LCLAT1: variants seen among roughly 807,000 people sequenced by gnomAD.
LCLAT1 encodes lysocardiolipin acyltransferase 1.
LCLAT1 carries 11 observed loss-of-function variants against 30.7 expected under a neutral mutation model. That is an observed-to-expected ratio of 0.36 (90% CI 0.23 to 0.59). The LOEUF (loss-of-function observed/expected upper bound fraction) is 0.59, where lower values mean the gene tolerates loss of function less well. LCLAT1 is among the 20% of genes least tolerant of loss of function. LCLAT1 has a pLI of 0.77. For synonymous variants in LCLAT1, 155 were observed against 151.3 expected, an observed-to-expected ratio of 1.02 and a Z score of -0.18; for missense variants, 402 against 458.6, an observed-to-expected ratio of 0.88 and a Z score of 1.13.
At chr2:30,544,498 A>G (rs949827937) in intron 3 of LCLAT1, among the ~76,000 whole-genome samples, 6 of 152,192 alleles carry the variant, frequency 3.9e-5, no homozygotes, top group Admixed American at 6.5e-5. Flanking sequence ...TTCTCAAAAT[A>G]TAAAAATATT....
At position 30,580,954 on chromosome 2, in the gene LCLAT1, G is replaced by T. The variant is rs147239167; in HGVS notation, c.628+12778G>T. On this transcript the variant is annotated intron_variant, in intron 5 of 5. Transcript: ENST00000379509. ...AGTTACCCCAAAATAGTATCTTATG[G>T]TTGGGAGTAGGTGGTGAGAAGGTGA... Among the ~76,000 whole-genome samples, 15 of 152,242 alleles carry T rather than the reference G, an allele frequency of 9.9e-5. No individual in the cohort carries two copies. In the East Asian group the frequency reaches 2.5e-3, roughly 25 times the overall value.
intron 3 of LCLAT1, among the ~76,000 whole-genome samples, chr2:30,546,744 G>A (rs564730240): frequency 1.3e-5 from 2 of 152,194 alleles, no homozygotes; most frequent in East Asian, 3.9e-4. Flanking sequence ...TACCTCCTGT[G>A]AGAAGGAAAA....
chr2:30,565,252 G>A (rs562296147), intron 4 of LCLAT1, among the ~76,000 whole-genome samples: 47 of 152,156 alleles, frequency 3.1e-4, no homozygotes, highest in Middle Eastern at 3.4e-3. Context: ...TGGAGATCCC[G>A]GGAAGTAGTC....
intron 1 of LCLAT1, among the ~76,000 whole-genome samples, chr2:30,474,017 T>C (rs899130425): frequency 1.3e-5 from 2 of 152,210 alleles, no homozygotes; most frequent in African/African-American, 2.4e-5. Flanking sequence ...AACTGTGTAA[T>C]GTGTTAAAGA....
At position 30,459,444 on chromosome 2, in the gene LCLAT1, A is replaced by G. The variant is rs975299427; in HGVS notation, c.-5+12061A>G. On this transcript the variant is annotated intron_variant, in intron 1 of 5. Transcript: ENST00000379509. The stretch of plus-strand genomic sequence containing the variant: ...AATCCATTCAGTACTCAGATGTTTC[A>G]GGTCCCTGGGCCCGTAATCTGTTTA... 23 of 645,412 alleles carry G rather than the reference A, an allele frequency of 3.6e-5. No individual in the cohort carries two copies. The African/African-American group carries it at 4.0e-4, about 11-fold the overall frequency. 40.0% of individuals were successfully genotyped at this position (645,412 alleles called of 1,614,324 possible).
chr2:30,533,798 G>A (rs890947880), intron 3 of LCLAT1, among the ~76,000 whole-genome samples: 3 of 152,058 alleles, frequency 2.0e-5, no homozygotes, highest in Middle Eastern at 3.4e-3. Context: ...TTTTTATCGC[G>A]CTTGTATAAT....
intron 1 of LCLAT1, among the ~76,000 whole-genome samples, chr2:30,485,541 A>G (rs1683522669): frequency 6.6e-6 from 1 of 152,130 alleles, no homozygotes; most frequent in South Asian, 2.1e-4. Context: ...TGTCATAAAT[A>G]GTTGCTCTTA....
intron 1 of LCLAT1, among the ~76,000 whole-genome samples, chr2:30,483,298 A>G (rs570957194): frequency 4.6e-5 from 7 of 152,280 alleles, no homozygotes; most frequent in African/African-American, 1.4e-4. Flanking sequence ...AGACCAGCTT[A>G]GGCAACATAG....
At chr2:30,551,864 A>G (rs1664697032) in intron 3 of LCLAT1, among the ~76,000 whole-genome samples, 2 of 152,208 alleles carry the variant, frequency 1.3e-5, no homozygotes, top group South Asian at 4.1e-4. Context: ...CATAGTAGGT[A>G]TATATTTATG....
intron 2 of LCLAT1, among the ~76,000 whole-genome samples, chr2:30,528,160 T>A (rs759830666): frequency 6.6e-6 from 1 of 152,242 alleles, no homozygotes; most frequent in Non-Finnish European, 1.5e-5. Context: ...GTTGCACATA[T>A]CACTTTTGCT....
chr2:30,475,999 A>G (rs1281340606), intron 1 of LCLAT1, among the ~76,000 whole-genome samples: 1 of 152,214 alleles, frequency 6.6e-6, no homozygotes, highest in East Asian at 1.9e-4. Context: ...TAGCTTCCAT[A>G]TAAACCAGTA....
chr2:30,471,131 C>A (rs1394425512), intron 1 of LCLAT1, among the ~76,000 whole-genome samples: 3 of 152,076 alleles, frequency 2.0e-5, no homozygotes, highest in Non-Finnish European at 4.4e-5. Flanking sequence ...CCATGCTGAT[C>A]TTGAACTCCT....
intron 1 of LCLAT1, among the ~76,000 whole-genome samples, chr2:30,505,649 C>G (rs80301264): frequency 0.037 from 5,704 of 152,118 alleles, 134 homozygotes; most frequent in Middle Eastern, 0.071. Context: ...CAGAGTATTA[C>G]CAAAATCTTA....
intron 5 of LCLAT1, among the ~76,000 whole-genome samples, chr2:30,613,364 C>G (rs922572169): frequency 7.9e-5 from 12 of 151,888 alleles, no homozygotes; most frequent in African/African-American, 2.9e-4. Context: ...ACAGAGAAAC[C>G]AATTAGAAAG....
At position 30,642,389 on chromosome 2, in the gene LCLAT1, C is replaced by T. The variant is rs919891927; in HGVS notation, c.*1770C>T. The T allele has an allele frequency of 7.0e-5, 8 of 114,534 alleles. No homozygotes were observed. Among genetic ancestry groups the T allele is most frequent in the Middle Eastern group, 8.8e-3 (2 of 228 alleles). 7.1% of individuals were successfully genotyped at this position (114,534 alleles called of 1,614,324 possible). The stretch of plus-strand genomic sequence containing the variant: ...TTCATGGTTTTACAGCTTGTTTTTT[C>T]TTTTTCTTTTCTTTTTTTTTTTTTT... On this transcript the variant is annotated 3_prime_UTR_variant, in exon 6 of 6. Coordinates refer to ENST00000379509, the MANE Select transcript of LCLAT1 (RefSeq NM_001002257.3).
intron 5 of LCLAT1, among the ~76,000 whole-genome samples, chr2:30,570,183 A>T (rs1665720413): frequency 6.6e-6 from 1 of 152,198 alleles, no homozygotes; most frequent in South Asian, 2.1e-4. Flanking sequence ...TCATCACTCC[A>T]GGCACTAGTC....
In LCLAT1 at chr2:30,640,618, A is replaced by C. The variant is rs1427241789; in HGVS notation, c.1130A>C (p.Ter377SerextTer10). 2 of 1,596,184 alleles carry C rather than the reference A, an allele frequency of 1.3e-6. No homozygotes were observed. The highest frequency in any genetic ancestry group is 1.7e-6 in the Non-Finnish European group (2 of 1,172,768). ...CATTTAAATTCAAAGAAAAATGAGT[A>C]AGATTATAAGGTTTGCCATGTGAAA... ...QPHLNSKKNE[*>S] Residue 377 changes from the stop codon to serine, a stop_lost, in exon 6 of 6, where the codon TAA becomes TCA. Coordinates refer to ENST00000379509, the MANE Select transcript of LCLAT1 (RefSeq NM_001002257.3).
chr2:30,464,424 C>T (rs1033753546), intron 1 of LCLAT1, among the ~76,000 whole-genome samples: 10 of 151,960 alleles, frequency 6.6e-5, no homozygotes, highest in African/African-American at 1.9e-4. Flanking sequence ...AATTTTGCTG[C>T]CTTTGGAAAG....
intron 5 of LCLAT1, among the ~76,000 whole-genome samples, chr2:30,634,232 T>C (rs1305063775): frequency 6.6e-6 from 1 of 152,244 alleles, no homozygotes; most frequent in Non-Finnish European, 1.5e-5. Flanking sequence ...AATATTAAAA[T>C]ATGAAACTTT....
Sources: allele counts gnomAD v4.1 joint callset (sites outside exome capture counted in the v4.1 genomes callset), GRCh38; gene constraint gnomAD v4.1.1; transcripts MANE v1.5; gene names NCBI Gene and HGNC (gene_info 2026-07-23, HGNC 2026-07-21).